The following TESK2 variants were observed in gnomAD, a reference collection of about 807,000 sequenced individuals.
The protein encoded by TESK2 is dual specificity testis-specific protein kinase 2.
Under a neutral mutation model 57.1 loss-of-function variants are expected in TESK2, and 39 were observed. The ratio of observed to expected loss-of-function variants is 0.68; its 90% confidence interval spans 0.53 to 0.89. The LOEUF is 0.89. Among genes scored for constraint, TESK2 ranks in the 40% least tolerant of loss-of-function variants. TESK2 has a pLI of 0.00. For missense variants in TESK2, 646 were observed against 732.1 expected, an observed-to-expected ratio of 0.88 and a Z score of 1.36; for synonymous variants, 249 against 267.9, an observed-to-expected ratio of 0.93 and a Z score of 0.69.
chr1:45,437,825 G>A (rs1651293428), intron 2 of TESK2, among the ~76,000 whole-genome samples: 1 of 152,198 alleles, frequency 6.6e-6, no homozygotes, highest in African/African-American at 2.4e-5. Flanking sequence ...ACCTGGAACA[G>A]TTAAATTCTG....
chr1:45,426,505 C>T (rs562704644), intron 2 of TESK2, among the ~76,000 whole-genome samples: 2 of 152,192 alleles, frequency 1.3e-5, no homozygotes, highest in South Asian at 2.1e-4. Context: ...GAAACTACTA[C>T]AAGAAAACAT....
chr1:45,426,698 A>G (rs993762544), intron 2 of TESK2, among the ~76,000 whole-genome samples: 12 of 152,226 alleles, frequency 7.9e-5, no homozygotes, highest in Admixed American at 4.6e-4. Context: ...TATCCATCTG[A>G]CAAAGGATTA....
At chr1:45,425,570 G>A (rs1420719238) in intron 2 of TESK2, among the ~76,000 whole-genome samples, 1 of 152,058 alleles carries the variant, frequency 6.6e-6, no homozygotes, top group Non-Finnish European at 1.5e-5. Flanking sequence ...TGGGAGGATT[G>A]CTTGAGCCCA....
intron 2 of TESK2, among the ~76,000 whole-genome samples, chr1:45,443,486 C>T (rs1008840923): frequency 7.1e-6 from 1 of 141,030 alleles, no homozygotes; most frequent in Non-Finnish European, 1.5e-5. Flanking sequence ...AGGATAATCG[C>T]TTGAACCCGG....
chr1:45,368,809 C>T (rs1005340037), intron 4 of TESK2, among the ~76,000 whole-genome samples: 3 of 151,838 alleles, frequency 2.0e-5, no homozygotes, highest in Admixed American at 6.6e-5. Flanking sequence ...AGTGCAATGG[C>T]GCCATCTTGG....
chr1:45,383,456 G>C (rs957622607), intron 4 of TESK2, among the ~76,000 whole-genome samples: 1 of 152,084 alleles, frequency 6.6e-6, no homozygotes, highest in Non-Finnish European at 1.5e-5. Flanking sequence ...CTGCTGGAAA[G>C]ACTGGCAATA....
chr1:45,384,362 C>A (rs79420342), intron 4 of TESK2, among the ~76,000 whole-genome samples: 1 of 141,940 alleles, frequency 7.0e-6, no homozygotes, highest in East Asian at 2.2e-4. Flanking sequence ...TATGTACGTA[C>A]GTATCTATCT....
At chr1:45,434,589 T>C (rs1651117939) in intron 2 of TESK2, among the ~76,000 whole-genome samples, 2 of 152,130 alleles carry the variant, frequency 1.3e-5, no homozygotes, top group Admixed American at 1.3e-4. Flanking sequence ...ATGTTGAGCA[T>C]TTTTCGTATA....
chr1:45,400,587 G>A (rs1410216191), intron 3 of TESK2, among the ~76,000 whole-genome samples: 1 of 152,124 alleles, frequency 6.6e-6, no homozygotes, highest in Non-Finnish European at 1.5e-5. Context: ...ACTAGCATAA[G>A]GAAAATAACA....
In TESK2 at chr1:45,384,602, T is replaced by TA. The variant is rs1557551482; in HGVS notation, c.393+1309_393+1310insT. 3.5e-4 allele frequency among the ~76,000 whole-genome samples: 42 copies of TA among 119,422 alleles called. 1 individual carries two copies. Among genetic ancestry groups the TA allele is most frequent in the South Asian group, 1.8e-3 (6 of 3,352 alleles). 78.3% of individuals were successfully genotyped at this position (119,422 alleles called of 152,430 possible). On this transcript the variant is annotated intron_variant, in intron 4 of 10. Coordinates refer to ENST00000372086, the MANE Select transcript of TESK2 (RefSeq NM_007170.3). The stretch of plus-strand genomic sequence containing the variant: ...ATCCAGCTAATTATTAATTTTTTTT[T>TA]TTTTTTTTTTTTTTTTTTTTTTTTG...
At chr1:45,373,946 T>C (rs975904371) in intron 4 of TESK2, among the ~76,000 whole-genome samples, 1 of 152,188 alleles carries the variant, frequency 6.6e-6, no homozygotes, top group African/African-American at 2.4e-5. Flanking sequence ...ATACCACTTA[T>C]CAAGTTAGGA....
intron 2 of TESK2, among the ~76,000 whole-genome samples, chr1:45,435,488 T>C (rs1158201983): frequency 6.7e-6 from 1 of 148,674 alleles, no homozygotes; most frequent in Non-Finnish European, 1.5e-5. Flanking sequence ...CATCTCGAAC[T>C]CCTGGGCTCA....
At chr1:45,396,024 G>C (rs1649340979) in intron 3 of TESK2, among the ~76,000 whole-genome samples, 1 of 152,018 alleles carries the variant, frequency 6.6e-6, no homozygotes, top group Admixed American at 6.6e-5. Context: ...AACTACGCTG[G>C]AGAGCAGTGG....
chr1:45,483,954 T>C (rs912153776), intron 1 of TESK2, among the ~76,000 whole-genome samples: 8 of 151,292 alleles, frequency 5.3e-5, no homozygotes, highest in Admixed American at 1.3e-4. Flanking sequence ...CGAGCCATGA[T>C]CCTGCTACTG....
chr1:45,359,495 G>A (rs917314994), intron 4 of TESK2, among the ~76,000 whole-genome samples: 4 of 151,716 alleles, frequency 2.6e-5, no homozygotes, highest in African/African-American at 9.7e-5. Context: ...GGGAGGCGGA[G>A]GCTGCAGTGA....
chr1:45,374,422 T>C (rs1365903579), intron 4 of TESK2, among the ~76,000 whole-genome samples: 3 of 152,182 alleles, frequency 2.0e-5, no homozygotes, highest in African/African-American at 7.2e-5. Flanking sequence ...ACTTAATCTC[T>C]TTCTGAGCCT....
rs201939248 is a variant in TESK2 at position 45,421,785 on chromosome 1, C to T, written c.284G>A (p.Arg95Gln). 8.1e-5 allele frequency: 130 copies of T among 1,613,960 alleles called. No individual in the cohort carries two copies. The South Asian group carries it at 1.2e-3, about 15-fold the overall frequency. ...CTGTACTTCTTTCAGCATGTTTGCCCGGTTACTGCTCAATGTGTTCATCTT... is the reference window on the plus strand; with the variant it reads ...CTGTACTTCTTTCAGCATGTTTGCCTGGTTACTGCTCAATGTGTTCATCTT... Reference protein sequence around the residue: ...ALKMNTLSSNRANMLKEVQLM... With the variant: ...ALKMNTLSSNQANMLKEVQLM... Residue 95 changes from arginine (R) to glutamine (Q), a missense_variant, in exon 3 of 11, where the codon CGG (arginine) becomes CAG (glutamine). Coordinates refer to ENST00000372086, the MANE Select transcript of TESK2 (RefSeq NM_007170.3).
At chr1:45,374,778 T>C (rs1238768662) in intron 4 of TESK2, among the ~76,000 whole-genome samples, 4 of 152,154 alleles carry the variant, frequency 2.6e-5, no homozygotes, top group Non-Finnish European at 5.9e-5. Flanking sequence ...ACTGAACCTA[T>C]TCAAAAATGA....
At chr1:45,402,383 G>A (rs1205044898) in intron 3 of TESK2, among the ~76,000 whole-genome samples, 5 of 129,570 alleles carry the variant, frequency 3.9e-5, no homozygotes, top group Admixed American at 8.4e-5. Context: ...AAAACAGCAA[G>A]ATCTTGTCTT....
Sources: allele counts gnomAD v4.1 joint callset (sites outside exome capture counted in the v4.1 genomes callset), GRCh38; gene constraint gnomAD v4.1.1; transcripts MANE v1.5; gene names NCBI Gene and HGNC (gene_info 2026-07-23, HGNC 2026-07-21).